Variants in RBFOX1 observed in about 807,000 individuals in gnomAD.
The protein encoded by RBFOX1 is RNA binding fox-1 homolog 1, also known as RNA binding protein fox-1 homolog 1.
In RBFOX1, 8 loss-of-function variants were observed where a neutral mutation model predicts 57.7. That is an observed-to-expected ratio of 0.14 (90% CI 0.08 to 0.25). RBFOX1 has a LOEUF of 0.25. Ranked by LOEUF, RBFOX1 falls within the 10% of genes least tolerant of loss-of-function variation. RBFOX1 has a pLI of 1.00. For synonymous variants in RBFOX1, 326 were observed against 222.4 expected, an observed-to-expected ratio of 1.47 and a Z score of -4.15; for missense variants, 611 against 548.5, an observed-to-expected ratio of 1.11 and a Z score of -1.14.
At position 7,520,797 on chromosome 16, in the gene RBFOX1, C is replaced by G. The variant is rs183126938; in HGVS notation, c.270+2408C>G. ...TTTGTGACAATTAATAGTAGTAATG[C>G]CTGGATAGGTTATTTTCAGATTTTG... On this transcript the variant is annotated intron_variant, in intron 5 of 15. Transcript: ENST00000550418. 8.0e-3 allele frequency among the ~76,000 whole-genome samples: 1,215 copies of G among 152,188 alleles called. 4 individuals are homozygous for G. Among genetic ancestry groups the G allele is most frequent in the Non-Finnish European group, 0.012 (787 of 68,028 alleles).
At chr16:6,776,525 G>C (rs1273287667) in intron 3 of RBFOX1, among the ~76,000 whole-genome samples, 1 of 152,142 alleles carries the variant, frequency 6.6e-6, no homozygotes, top group African/African-American at 2.4e-5. Context: ...AGGAACCTTG[G>C]CTAGAATTAC....
At chr16:6,908,760 A>G (rs371608540) in intron 3 of RBFOX1, among the ~76,000 whole-genome samples, 1 of 152,152 alleles carries the variant, frequency 6.6e-6, no homozygotes, top group Non-Finnish European at 1.5e-5. Context: ...CTCACTGTGC[A>G]ATCTGGGACC....
chr16:5,367,724 C>G (rs1244144771), intron 1 of RBFOX1, among the ~76,000 whole-genome samples: 3 of 152,130 alleles, frequency 2.0e-5, no homozygotes, highest in South Asian at 2.1e-4. Context: ...AAGGTAGAGG[C>G]CATTATAATC....
At chr16:5,567,669 T>A (rs2046121835) in intron 2 of RBFOX1, among the ~76,000 whole-genome samples, 2 of 131,226 alleles carry the variant, frequency 1.5e-5, no homozygotes, top group African/African-American at 2.9e-5. Flanking sequence ...GCCTCCTAGA[T>A]GGAAGGGCTG....
chr16:7,093,747 A>C (rs1409952664), intron 4 of RBFOX1, among the ~76,000 whole-genome samples: 1 of 152,150 alleles, frequency 6.6e-6, no homozygotes, highest in African/African-American at 2.4e-5. Context: ...AGCACCCAGA[A>C]GCTGTTGATG....
At chr16:6,221,418 C>A (rs1468971042) in intron 1 of RBFOX1, among the ~76,000 whole-genome samples, 1 of 152,060 alleles carries the variant, frequency 6.6e-6, no homozygotes, top group African/African-American at 2.4e-5. Flanking sequence ...AATTCAGCTG[C>A]CCAGATAACA....
intron 3 of RBFOX1, among the ~76,000 whole-genome samples, chr16:5,814,580 G>T (rs138154475): frequency 2.0e-5 from 3 of 152,170 alleles, no homozygotes; most frequent in Admixed American, 2.0e-4. Context: ...AGTAGTCAGC[G>T]GTAGAGAGCC....
At chr16:5,762,022 C>T (rs1188114672) in intron 3 of RBFOX1, among the ~76,000 whole-genome samples, 3 of 152,072 alleles carry the variant, frequency 2.0e-5, no homozygotes, top group Admixed American at 6.5e-5. Flanking sequence ...AGGTGAACTT[C>T]TCCGAGCAGC....
chr16:7,664,988 C>T lies in RBFOX1; in HGVS notation c.930+20C>T. 2 of 1,613,938 alleles carry T rather than the reference C, an allele frequency of 1.2e-6. No individual in the cohort carries two copies. Among genetic ancestry groups the T allele is most frequent in the South Asian group, 1.1e-5 (1 of 91,076 alleles). On this transcript the variant is annotated intron_variant, in intron 13 of 15. Coordinates refer to ENST00000550418, the MANE Select transcript of RBFOX1 (RefSeq NM_018723.4). ...ATTTATGTAAGTATTCATTCACGTG[C>T]ATGCCATCCCCGTTTCCTCCTGGAG...
intron 4 of RBFOX1, among the ~76,000 whole-genome samples, chr16:7,192,567 A>T (rs998891808): frequency 6.6e-6 from 1 of 152,228 alleles, no homozygotes; most frequent in East Asian, 1.9e-4. Flanking sequence ...GCAAAATACT[A>T]TGTGAAATCA....
At chr16:5,386,625 A>G (rs2066265635) in intron 1 of RBFOX1, among the ~76,000 whole-genome samples, 1 of 151,968 alleles carries the variant, frequency 6.6e-6, no homozygotes, top group Non-Finnish European at 1.5e-5. Flanking sequence ...TGGAGGTCCC[A>G]CTGCCTGGAA....
At chr16:7,637,058 G>T (rs1213417413) in intron 11 of RBFOX1, among the ~76,000 whole-genome samples, 1 of 152,086 alleles carries the variant, frequency 6.6e-6, no homozygotes, top group East Asian at 1.9e-4. Context: ...TTGATACAGG[G>T]ATGTCAGTTT....
At position 6,182,658 on chromosome 16, in the gene RBFOX1, A is replaced by G. The variant is rs80184690; in HGVS notation, c.-126-134337A>G. On this transcript the variant is annotated intron_variant, in intron 1 of 15. Transcript: ENST00000550418. Reference sequence around the variant, plus strand: ...TATATAACACATTGTGATTTTAAATATGTTTTAAAATATATTTTTGCAACA... The same window carrying G: ...TATATAACACATTGTGATTTTAAATGTGTTTTAAAATATATTTTTGCAACA... Among the ~76,000 whole-genome samples the G allele has an allele frequency of 7.9e-3, 1,197 of 152,264 alleles. 15 individuals are homozygous for G. Among genetic ancestry groups the G allele is most frequent in the African/African-American group, 0.028 (1,157 of 41,558 alleles).
chr16:6,938,716 G>C (rs1033056972), intron 3 of RBFOX1, among the ~76,000 whole-genome samples: 1 of 152,100 alleles, frequency 6.6e-6, no homozygotes, highest in African/African-American at 2.4e-5. Flanking sequence ...CGAATCACTT[G>C]AGATCAGAAG....
At chr16:5,999,867 C>CAAAAAAAA (rs869221577) in intron 4 of RBFOX1, among the ~76,000 whole-genome samples, 2 of 27,674 alleles carry the variant, frequency 7.2e-5, no homozygotes, top group African/African-American at 3.0e-4. Context: ...GACTCCACCT[C>CAAAAAAAA]AAAAAAAAAA....
At chr16:6,926,690 C>T (rs563185977) in intron 3 of RBFOX1, among the ~76,000 whole-genome samples, 3 of 152,248 alleles carry the variant, frequency 2.0e-5, no homozygotes, top group South Asian at 4.1e-4. Flanking sequence ...GGTAAAAATG[C>T]TACTTAGCTC....
chr16:7,174,219 G>A (rs1296118813), intron 4 of RBFOX1, among the ~76,000 whole-genome samples: 1 of 151,858 alleles, frequency 6.6e-6, no homozygotes, highest in African/African-American at 2.4e-5. Context: ...TGAACATGAG[G>A]TTCATCCATG....
At chr16:7,258,904 C>T (rs1603451641) in intron 4 of RBFOX1, among the ~76,000 whole-genome samples, 1 of 152,122 alleles carries the variant, frequency 6.6e-6, no homozygotes, top group African/African-American at 2.4e-5. Context: ...TGCAGTGGTC[C>T]TCTGGTTTCC....
At chr16:6,280,524 C>T (rs1158218056) in intron 1 of RBFOX1, among the ~76,000 whole-genome samples, 1 of 152,062 alleles carries the variant, frequency 6.6e-6, no homozygotes, top group Non-Finnish European at 1.5e-5. Context: ...AAAAGCATTG[C>T]ATTTGCATCA....
Sources: gnomAD v4.1 joint callset for allele counts (sites outside exome capture counted in the v4.1 genomes callset) on GRCh38, gnomAD v4.1.1 for gene constraint, MANE v1.5 for transcripts, NCBI Gene and HGNC (gene_info 2026-07-23, HGNC 2026-07-21) for gene names.